ZFP1: variants seen among roughly 807,000 people sequenced by gnomAD.
ZFP1 encodes the protein ZFP1 zinc finger protein.
ZFP1 carries 32 observed loss-of-function variants against 38.5 expected under a neutral mutation model. That is an observed-to-expected ratio of 0.83 (90% CI 0.63 to 1.12). The LOEUF (loss-of-function observed/expected upper bound fraction) is 1.12. Among genes scored for constraint, ZFP1 ranks in the 50% most tolerant of loss-of-function variants. The pLI is 0.00. For synonymous variants in ZFP1, 245 were observed against 168.8 expected, an observed-to-expected ratio of 1.45 and a Z score of -3.50; for missense variants, 616 against 480.8, an observed-to-expected ratio of 1.28 and a Z score of -2.63.
chr16:75,130,248 G>C, the ZFP1 span, among the ~76,000 whole-genome samples: 1 of 152,208 alleles, frequency 6.6e-6, no homozygotes, highest in Middle Eastern at 3.4e-3. Context: ...TGATCCGCCT[G>C]CCTCAGCCTC....
At chr16:75,155,611 T>C (rs1202631858) in intron 2 of ZFP1, among the ~76,000 whole-genome samples, 1 of 152,208 alleles carries the variant, frequency 6.6e-6, no homozygotes, top group East Asian at 1.9e-4. Context: ...ATAACAAATA[T>C]ATATGCATTA....
chr16:75,169,540 C>T lies in ZFP1; in HGVS notation c.430C>T (p.Leu144=). The T allele has an allele frequency of 6.2e-7, 1 of 1,612,664 alleles. No homozygotes were observed. ...TGAATTTGGAAAAGCACTTCTCTAC[C>T]TGAAGCAAGAGAAAACCCACAGTGG... The part of the protein sequence containing the change: ...CNEFGKALLY[L]KQEKTHSGVE... Residue 144 remains leucine (L), a synonymous_variant, in exon 4 of 4, where the codon CTG becomes TTG. Coordinates refer to ENST00000570010, the MANE Select transcript of ZFP1 (RefSeq NM_153688.4).
At chr16:75,157,378 T>C (rs1236271473) in intron 2 of ZFP1, among the ~76,000 whole-genome samples, 2 of 151,322 alleles carry the variant, frequency 1.3e-5, no homozygotes, top group African/African-American at 2.4e-5. Context: ...TAAGTAGCTG[T>C]GATTACAGGT....
intron 1 of ZFP1, chr16:75,149,158 T>G (rs1166786086): frequency 2.0e-5 from 3 of 152,194 alleles, no homozygotes; most frequent in Non-Finnish European, 4.4e-5. Flanking sequence ...GATCCTCGCA[T>G]CCACCCCGTG....
At chr16:75,161,451 G>C (rs895325064) in intron 2 of ZFP1, among the ~76,000 whole-genome samples, 3 of 151,600 alleles carry the variant, frequency 2.0e-5, no homozygotes, top group African/African-American at 7.3e-5. Context: ...CCTCATAGAT[G>C]CCTTTTGGTA....
At chr16:75,135,111 G>A in the ZFP1 span, among the ~76,000 whole-genome samples, 2 of 146,488 alleles carry the variant, frequency 1.4e-5, no homozygotes, top group African/African-American at 5.0e-5. Flanking sequence ...TTAGAAGGCT[G>A]ACGTAGAAGG....
chr16:75,120,949 T>C, the ZFP1 span, among the ~76,000 whole-genome samples: 1 of 152,130 alleles, frequency 6.6e-6, no homozygotes, highest in Non-Finnish European at 1.5e-5. Context: ...TAAGGAAGAC[T>C]ATGGTTTAGA....
chr16:75,140,411 G>GA, the ZFP1 span, among the ~76,000 whole-genome samples: 1 of 151,796 alleles, frequency 6.6e-6, no homozygotes, highest in Non-Finnish European at 1.5e-5. Flanking sequence ...TCTACAAAAA[G>GA]AAAAAAAATT....
the ZFP1 span, among the ~76,000 whole-genome samples, chr16:75,121,891 C>T: frequency 6.6e-6 from 1 of 152,170 alleles, no homozygotes; most frequent in African/African-American, 2.4e-5. Flanking sequence ...GAATTGCCAG[C>T]ATACATTTTT....
chr16:75,137,561 C>T, the ZFP1 span, among the ~76,000 whole-genome samples: 29 of 39,328 alleles, frequency 7.4e-4, no homozygotes, highest in Middle Eastern at 0.031. Flanking sequence ...CCTGGGTTCA[C>T]GCCATTCTCC....
the ZFP1 span, among the ~76,000 whole-genome samples, chr16:75,140,676 G>T: frequency 6.6e-6 from 1 of 152,104 alleles, no homozygotes; most frequent in South Asian, 2.1e-4. Flanking sequence ...ACACTTGGGG[G>T]AGGCCGGGCA....
the ZFP1 span, chr16:75,132,747 C>G: frequency 6.7e-6 from 1 of 148,316 alleles, no homozygotes; most frequent in Non-Finnish European, 1.5e-5. Context: ...ACCTCTGCCT[C>G]CTGAGTTCAA....
At chr16:75,149,133 G>A (rs1221134087) in intron 1 of ZFP1, 5 of 152,218 alleles carry the variant, frequency 3.3e-5, no homozygotes, top group Non-Finnish European at 5.9e-5. Flanking sequence ...AGGGTCTTCA[G>A]TGAGGTGTTC....
At chr16:75,125,928 G>C in the ZFP1 span, among the ~76,000 whole-genome samples, 1 of 151,402 alleles carries the variant, frequency 6.6e-6, no homozygotes, top group African/African-American at 2.4e-5. Flanking sequence ...TGTAATCCCA[G>C]TTACTCAGGA....
At chr16:75,137,450 C>T in the ZFP1 span, among the ~76,000 whole-genome samples, 19 of 91,672 alleles carry the variant, frequency 2.1e-4, no homozygotes, top group Admixed American at 1.7e-3. Flanking sequence ...TCAGTCTCTA[C>T]AAAAAAAATT....
intron 2 of ZFP1, among the ~76,000 whole-genome samples, chr16:75,165,039 A>C (rs945593337): frequency 6.6e-6 from 1 of 152,038 alleles, no homozygotes; most frequent in Non-Finnish European, 1.5e-5. Flanking sequence ...TCATGACCTC[A>C]GGTGATCCAC....
the ZFP1 span, among the ~76,000 whole-genome samples, chr16:75,141,144 A>G: frequency 6.6e-6 from 1 of 152,074 alleles, no homozygotes; most frequent in African/African-American, 2.4e-5. Flanking sequence ...ACAGTCCAGA[A>G]GAAGGAACAG....
Position 75,171,443 on chromosome 16 carries a change from G to A in ZFP1, c.*1109G>A, listed in dbSNP as rs1457819827. 2 of 152,090 alleles carry A rather than the reference G, an allele frequency of 1.3e-5. No individual in the cohort carries two copies. Among genetic ancestry groups the A allele is most frequent in the African/African-American group, 2.4e-5 (1 of 41,420 alleles). The allele number at this position is 152,090 out of a possible 1,614,324, so 9.4% of individuals were successfully genotyped here. On this transcript the variant is annotated 3_prime_UTR_variant, in exon 4 of 4. Coordinates refer to ENST00000570010, the MANE Select transcript of ZFP1 (RefSeq NM_153688.4). ...TTAAAGGAGGCATTTCTACTTCCTTGAGTTTTGCTGTTGCCAACCTAAAAC... is the reference window on the plus strand; with the variant it reads ...TTAAAGGAGGCATTTCTACTTCCTTAAGTTTTGCTGTTGCCAACCTAAAAC...
At chr16:75,149,812 G>T (rs1224604071) in intron 1 of ZFP1, among the ~76,000 whole-genome samples, 1 of 150,118 alleles carries the variant, frequency 6.7e-6, no homozygotes, top group Non-Finnish European at 1.5e-5. Context: ...CTTTTCTGTT[G>T]TTGTTGTTTT....
Sources: gnomAD v4.1 joint callset for allele counts (sites outside exome capture counted in the v4.1 genomes callset) on GRCh38, gnomAD v4.1.1 for gene constraint, MANE v1.5 for transcripts, NCBI Gene and HGNC (gene_info 2026-07-23, HGNC 2026-07-21) for gene names.